Variants in PTPRD observed in about 807,000 individuals in gnomAD.
PTPRD encodes the protein receptor-type tyrosine-protein phosphatase delta.
PTPRD carries 34 observed loss-of-function variants against 214.5 expected under a neutral mutation model. The observed-to-expected ratio is 0.16, with a 90% CI of 0.12 to 0.21. PTPRD has a LOEUF of 0.21. Ranked by LOEUF, PTPRD falls within the 10% of genes least tolerant of loss-of-function variation. The pLI is 1.00. For missense variants in PTPRD, 2,545 were observed against 2,398.7 expected, an observed-to-expected ratio of 1.06 and a Z score of -1.27; for synonymous variants, 1,128 against 845.7, an observed-to-expected ratio of 1.33 and a Z score of -5.79.
intron 22 of PTPRD, among the ~76,000 whole-genome samples, chr9:8,505,657 A>G (rs965042534): frequency 1.3e-5 from 2 of 151,308 alleles, no homozygotes; most frequent in Non-Finnish European, 2.9e-5. Flanking sequence ...AAGAAGAAGA[A>G]GAAGAAAAAT....
At chr9:9,450,122 G>C (rs202093332) in intron 8 of PTPRD, among the ~76,000 whole-genome samples, 2,204 of 84,966 alleles carry the variant, frequency 0.026, 36 homozygotes, top group African/African-American at 0.095. Context: ...GTGTGTGTCT[G>C]TGTGTGTGTG....
chr9:10,090,686 T>C (rs754316337), intron 3 of PTPRD, among the ~76,000 whole-genome samples: 7 of 147,422 alleles, frequency 4.7e-5, no homozygotes, highest in Non-Finnish European at 9.0e-5. Flanking sequence ...TTTTTTAATG[T>C]AGAAAGCAGG....
chr9:10,044,032 G>C (rs566734032), intron 3 of PTPRD, among the ~76,000 whole-genome samples: 11 of 151,832 alleles, frequency 7.2e-5, no homozygotes, highest in African/African-American at 2.7e-4. Context: ...CCTTTGTAGA[G>C]GGTCTAACAT....
At chr9:9,446,279 C>T (rs1376796348) in intron 8 of PTPRD, among the ~76,000 whole-genome samples, 1 of 152,020 alleles carries the variant, frequency 6.6e-6, no homozygotes, top group Non-Finnish European at 1.5e-5. Flanking sequence ...ATCTGTCCTC[C>T]CAAGTGTTGA....
intron 12 of PTPRD, among the ~76,000 whole-genome samples, chr9:8,660,447 C>T (rs4742528): frequency 1.3e-5 from 2 of 152,146 alleles, no homozygotes; most frequent in South Asian, 4.1e-4. Context: ...TAACACTTAT[C>T]CAAATTAGTT....
At chr9:9,728,173 C>A (rs936689248) in intron 7 of PTPRD, among the ~76,000 whole-genome samples, 4 of 152,114 alleles carry the variant, frequency 2.6e-5, no homozygotes, top group Admixed American at 2.6e-4. Context: ...TGAGACTCCC[C>A]CAGCCACCTG....
intron 5 of PTPRD, among the ~76,000 whole-genome samples, chr9:9,789,724 G>C (rs192283526): frequency 2.4e-4 from 32 of 131,622 alleles, no homozygotes; most frequent in Non-Finnish European, 4.0e-4. Flanking sequence ...GTGAACCTGG[G>C]AGGCAGAGCT....
At chr9:9,826,311 G>A (rs190758286) in intron 5 of PTPRD, among the ~76,000 whole-genome samples, 134 of 151,604 alleles carry the variant, frequency 8.8e-4, no homozygotes, top group African/African-American at 3.0e-3. Context: ...TCTTTCCTGA[G>A]CTCCATCAGC....
At chr9:8,373,387 G>T (rs2082116222) in intron 39 of PTPRD, among the ~76,000 whole-genome samples, 1 of 152,008 alleles carries the variant, frequency 6.6e-6, no homozygotes, top group Non-Finnish European at 1.5e-5. Context: ...AGTTTATGCA[G>T]TTCCTTTCCC....
At position 9,368,547 on chromosome 9, in the gene PTPRD, G is replaced by A. The variant is rs145785192; in HGVS notation, c.-203+28902C>T. ...TAGCAAAGAATATTAAAGTCAGAGA[G>A]AGGCTAGGTTGAGGCAATAAAGATG... On this transcript the variant is annotated intron_variant, in intron 9 of 45. Coordinates refer to ENST00000381196, the MANE Select transcript of PTPRD (RefSeq NM_002839.4). 2.6e-3 allele frequency among the ~76,000 whole-genome samples: 389 copies of A among 151,918 alleles called. 1 individual carries two copies. Among genetic ancestry groups the A allele is most frequent in the African/African-American group, 8.6e-3 (358 of 41,518 alleles).
intron 11 of PTPRD, among the ~76,000 whole-genome samples, chr9:9,013,383 C>T (rs2099519946): frequency 6.6e-6 from 1 of 152,004 alleles, no homozygotes. Context: ...TTGATGATAG[C>T]AAAGAAGCGA....
At chr9:10,235,500 G>A (rs1426540089) in intron 3 of PTPRD, among the ~76,000 whole-genome samples, 1 of 151,998 alleles carries the variant, frequency 6.6e-6, no homozygotes, top group Non-Finnish European at 1.5e-5. Context: ...CCATTAGCCA[G>A]CACATATTGT....
chr9:8,815,775 A>C (rs962710606), intron 11 of PTPRD, among the ~76,000 whole-genome samples: 2 of 152,172 alleles, frequency 1.3e-5, no homozygotes, highest in Non-Finnish European at 2.9e-5. Context: ...TCTGTTTTGG[A>C]ATATCTGATT....
chr9:8,799,226 G>C, intron 11 of PTPRD, among the ~76,000 whole-genome samples: 1 of 152,140 alleles, frequency 6.6e-6, no homozygotes, highest in East Asian at 1.9e-4. Flanking sequence ...CAGTAGTCTG[G>C]TAGCAATCAC....
chr9:10,067,585 G>A (rs912483716), intron 3 of PTPRD, among the ~76,000 whole-genome samples: 6 of 151,756 alleles, frequency 4.0e-5, no homozygotes, highest in Admixed American at 2.0e-4. Context: ...GAGACTCTGC[G>A]AGGAGGTATT....
At chr9:8,740,424 A>G (rs2091620997) in intron 11 of PTPRD, among the ~76,000 whole-genome samples, 2 of 152,198 alleles carry the variant, frequency 1.3e-5, no homozygotes, top group Non-Finnish European at 2.9e-5. Context: ...TTTTTATAAA[A>G]TGGCCACATT....
At chr9:9,291,640 G>C (rs1951178648) in intron 9 of PTPRD, among the ~76,000 whole-genome samples, 1 of 151,012 alleles carries the variant, frequency 6.6e-6, no homozygotes, top group South Asian at 2.1e-4. Flanking sequence ...ATTGCTTATG[G>C]TTTTCATCTG....
At chr9:9,663,520 G>A (rs910154406) in intron 7 of PTPRD, among the ~76,000 whole-genome samples, 1 of 151,388 alleles carries the variant, frequency 6.6e-6, no homozygotes, top group Non-Finnish European at 1.5e-5. Context: ...TCAATCATAA[G>A]CTAAGCAGAA....
intron 7 of PTPRD, among the ~76,000 whole-genome samples, chr9:9,602,575 G>A (rs111950742): frequency 6.6e-6 from 1 of 152,132 alleles, no homozygotes; most frequent in South Asian, 2.1e-4. Flanking sequence ...TAGTACCTGA[G>A]TACCCTCATC....
Sources: allele counts gnomAD v4.1 joint callset (sites outside exome capture counted in the v4.1 genomes callset), GRCh38; gene constraint gnomAD v4.1.1; transcripts MANE v1.5; gene names NCBI Gene and HGNC (gene_info 2026-07-23, HGNC 2026-07-21).